NCOR2: variants seen among roughly 807,000 people sequenced by gnomAD.
NCOR2 encodes nuclear receptor corepressor 2.
Under a neutral mutation model 262.9 loss-of-function variants are expected in NCOR2, and 81 were observed. That is an observed-to-expected ratio of 0.31 (90% confidence interval 0.26 to 0.37). NCOR2 has a LOEUF of 0.37. Ranked by LOEUF, NCOR2 falls within the 10% of genes least tolerant of loss-of-function variation. The pLI, the probability that NCOR2 is intolerant of heterozygous loss-of-function variation, is 1.00. For missense variants in NCOR2, 3,385 were observed against 3,621.4 expected, an observed-to-expected ratio of 0.93 and a Z score of 1.68; for synonymous variants, 1,659 against 1,559.3, an observed-to-expected ratio of 1.06 and a Z score of -1.51.
At chr12:124,433,325 C>T (rs1315574800) in intron 8 of NCOR2, among the ~76,000 whole-genome samples, 2 of 152,234 alleles carry the variant, frequency 1.3e-5, no homozygotes, top group African/African-American at 4.8e-5. Context: ...GCCACCTCGG[C>T]CCCTGTCCAA....
intron 1 of NCOR2, among the ~76,000 whole-genome samples, chr12:124,551,568 C>T (rs921250541): frequency 1.3e-5 from 2 of 152,204 alleles, no homozygotes; most frequent in African/African-American, 4.8e-5. Context: ...GGCTAAGGCT[C>T]GGCCGGCCTG....
chr12:124,428,044 AGTGTGT>A (rs55965573), intron 10 of NCOR2, among the ~76,000 whole-genome samples: 8,078 of 112,470 alleles, frequency 0.072, 486 homozygotes, highest in African/African-American at 0.13. Context: ...CCATGTGGCC[AGTGTGT>A]GTGTGTGTGT....
At chr12:124,556,533 G>C (rs1246062607) in intron 1 of NCOR2, 3 of 152,212 alleles carry the variant, frequency 2.0e-5, no homozygotes, top group African/African-American at 7.2e-5. Flanking sequence ...GGAAACAACC[G>C]AGGGAGGGAG....
intron 8 of NCOR2, among the ~76,000 whole-genome samples, chr12:124,436,301 G>A (rs1020484598): frequency 2.6e-5 from 4 of 152,210 alleles, no homozygotes; most frequent in African/African-American, 7.2e-5. Flanking sequence ...GGCCCAGAAA[G>A]GATACAGGGA....
intron 1 of NCOR2, among the ~76,000 whole-genome samples, chr12:124,534,537 G>A (rs2051020643): frequency 6.6e-6 from 1 of 152,134 alleles, no homozygotes; most frequent in Non-Finnish European, 1.5e-5. Context: ...ATGTCGTTAT[G>A]CAGCACATGA....
At chr12:124,449,910 A>C (rs1593595651) in intron 6 of NCOR2, 43 bp from the exon 9 acceptor site, 3 of 1,603,492 alleles carry the variant, frequency 1.9e-6, no homozygotes, top group Non-Finnish European at 1.7e-6. Flanking sequence ...CTGGCTGGCC[A>C]CTCGCCACTA....
chr12:124,533,389 C>G (rs2050951644), intron 1 of NCOR2, among the ~76,000 whole-genome samples: 1 of 152,078 alleles, frequency 6.6e-6, no homozygotes, highest in Non-Finnish European at 1.5e-5. Flanking sequence ...CTTCCTTCCT[C>G]CCCTACTTCA....
intron 15 of NCOR2, among the ~76,000 whole-genome samples, chr12:124,400,024 G>A (rs1234374559): frequency 6.6e-6 from 1 of 152,100 alleles, no homozygotes; most frequent in African/African-American, 2.4e-5. Context: ...AAGAAGGAGT[G>A]GTGGTTACTC....
intron 33 of NCOR2, 22 bp from the exon 36 acceptor site, chr12:124,342,096 A>C (rs1227388007): frequency 6.3e-7 from 1 of 1,591,378 alleles, no homozygotes; most frequent in African/African-American, 1.3e-5. Context: ...AGGGGAGCTC[A>C]TGTGAGGCCA....
intron 1 of NCOR2, among the ~76,000 whole-genome samples, chr12:124,494,510 G>A (rs914449655): frequency 1.3e-5 from 2 of 152,190 alleles, no homozygotes; most frequent in East Asian, 1.9e-4. Context: ...GGTGGGGTGC[G>A]GCTTAGGAGA....
At chr12:124,565,238 T>G (rs2052197600) in intron 1 of NCOR2, among the ~76,000 whole-genome samples, 1 of 152,094 alleles carries the variant, frequency 6.6e-6, no homozygotes, top group Non-Finnish European at 1.5e-5. Context: ...GGCTGGGGCC[T>G]GCTGCGCTCC....
At chr12:124,400,520 G>C (rs1354994520) in exon 15 of NCOR2, 19 of 1,613,942 alleles carry the variant, frequency 1.2e-5, no homozygotes, top group South Asian at 3.3e-5. Flanking sequence ...CGCTCTGCTG[G>C]GGGGTGATGG....
intron 1 of NCOR2, among the ~76,000 whole-genome samples, chr12:124,558,585 A>T (rs1272286813): frequency 2.0e-5 from 3 of 152,154 alleles, no homozygotes; most frequent in Non-Finnish European, 4.4e-5. Flanking sequence ...CTCTCACTCC[A>T]GAAGGACGCC....
At chr12:124,502,033 G>A (rs939729401) in intron 1 of NCOR2, among the ~76,000 whole-genome samples, 12 of 152,222 alleles carry the variant, frequency 7.9e-5, no homozygotes, top group Non-Finnish European at 1.5e-4. Flanking sequence ...ACTTTCTGGC[G>A]TGCAGTAAAA....
At chr12:124,383,342 T>G in intron 17 of NCOR2, 1 of 211,322 alleles carries the variant, frequency 4.7e-6, no homozygotes, top group Non-Finnish European at 9.3e-6. Flanking sequence ...CATAGCACAC[T>G]GTGGCTGTGC....
rs140855106 is a variant in NCOR2, at chr12:124,454,921, T to A, written c.762+2185A>T. On this transcript the variant is annotated intron_variant, in intron 6 of 46. Transcript: ENST00000405201. This position sits in a 1 kb window ranked among gnomAD's most constrained non-coding sequence, Gnocchi z 5.6. ...AATCTCACGTCCACCGACTGATGAG[T>A]GGGTAAACAACACGTGACCTACCCC... Among the ~76,000 whole-genome samples the A allele has an allele frequency of 3.8e-4, 58 of 152,148 alleles. No homozygotes were observed. In the East Asian group the frequency reaches 0.01, roughly 27 times the overall value.
chr12:124,363,123 G>C (rs2038746627), intron 21 of NCOR2, among the ~76,000 whole-genome samples: 1 of 152,258 alleles, frequency 6.6e-6, no homozygotes, highest in African/African-American at 2.4e-5. Context: ...CTCGGGGACT[G>C]GGCCGTGTAG....
intron 28 of NCOR2, among the ~76,000 whole-genome samples, chr12:124,350,202 G>A (rs1271891384): frequency 6.6e-6 from 1 of 152,208 alleles, no homozygotes; most frequent in African/African-American, 2.4e-5. Context: ...CGCAGCAAGA[G>A]CCTGGGACAC....
At chr12:124,458,537 G>A (rs1031529529) in intron 5 of NCOR2, among the ~76,000 whole-genome samples, 2 of 152,196 alleles carry the variant, frequency 1.3e-5, no homozygotes, top group African/African-American at 4.8e-5. Flanking sequence ...CAGAAGAGCA[G>A]GGGAGAACTA....
Sources: gnomAD v4.1 joint callset for allele counts (sites outside exome capture counted in the v4.1 genomes callset) on GRCh38, gnomAD v4.1.1 for gene constraint, Gnocchi (gnomAD v3.1) non-coding constraint, MANE v1.5 for transcripts, NCBI Gene and HGNC (gene_info 2026-07-23, HGNC 2026-07-21) for gene names.